The following TOX variants were observed in gnomAD, a reference collection of about 807,000 sequenced individuals.
TOX encodes thymocyte selection-associated high mobility group box protein TOX.
In TOX, 11 loss-of-function variants were observed where a neutral mutation model predicts 53.7. The observed-to-expected ratio is 0.20, with a 90% confidence interval of 0.13 to 0.34. The LOEUF (loss-of-function observed/expected upper bound fraction) is 0.34. Ranked by LOEUF, TOX falls within the 10% of genes least tolerant of loss-of-function variation. TOX has a pLI of 1.00. For missense variants in TOX, 570 were observed against 664.6 expected (o/e 0.86, Z 1.56); for synonymous variants, 225 against 245.3 (o/e 0.92, Z 0.77).
At chr8:58,961,129 C>T (rs921036014) in intron 1 of TOX, among the ~76,000 whole-genome samples, 10 of 152,132 alleles carry the variant, frequency 6.6e-5, no homozygotes, top group Admixed American at 5.2e-4. Flanking sequence ...GTACTATAGA[C>T]ATCTCATTCC....
At chr8:58,997,300 A>C (rs1813578642) in intron 1 of TOX, among the ~76,000 whole-genome samples, 1 of 152,246 alleles carries the variant, frequency 6.6e-6, no homozygotes, top group African/African-American at 2.4e-5. Flanking sequence ...ATTTAGAAAT[A>C]AGCAAGAGGA....
intron 1 of TOX, among the ~76,000 whole-genome samples, chr8:59,023,734 G>C (rs572924810): frequency 1.9e-4 from 29 of 152,160 alleles, no homozygotes; most frequent in Non-Finnish European, 3.8e-4. Flanking sequence ...CCTACAAAAT[G>C]GGAATAGTAA....
rs1399343842 is a variant in TOX, at chr8:58,826,848, C to A, written c.979G>T (p.Ala327Ser). 6 of 1,611,916 alleles carry A rather than the reference C, an allele frequency of 3.7e-6. No individual in the cohort carries two copies. Among genetic ancestry groups the A allele is most frequent in the Non-Finnish European group, 5.1e-6 (6 of 1,179,180 alleles). ...AKKEYLKQLA[A>S]YRASLVSKSY... Reference sequence around the variant, plus strand: ...TTGGATACAAGGCTGGCTCTGTATGCTGCGAGTTGCTTCAGGTACTCCTTC... The same window carrying A: ...TTGGATACAAGGCTGGCTCTGTATGATGCGAGTTGCTTCAGGTACTCCTTC... The change falls in exon 6 of 9, where the codon GCA (alanine) becomes TCA (serine). Residue 327 changes from alanine to serine, a missense_variant. Physicochemically the swap from Ala to Ser is moderately conservative, Grantham distance 99. Transcript: ENST00000361421.
At chr8:59,061,036 T>C (rs771777232) in intron 1 of TOX, among the ~76,000 whole-genome samples, 1 of 152,214 alleles carries the variant, frequency 6.6e-6, no homozygotes, top group Non-Finnish European at 1.5e-5. Context: ...TCCATAAAGC[T>C]GCATCTTTTA....
At chr8:59,038,460 C>A (rs1210590331) in intron 1 of TOX, among the ~76,000 whole-genome samples, 2 of 152,216 alleles carry the variant, frequency 1.3e-5, no homozygotes, top group East Asian at 3.8e-4. Flanking sequence ...GACACATCAA[C>A]ATTTTTCTCA....
Position 58,806,935 on chromosome 8 carries a change from A to G in TOX, c.*812T>C, listed in dbSNP as rs1475018385. 2.0e-5 allele frequency: 3 copies of G among 152,666 alleles called. No homozygotes were observed. Among genetic ancestry groups the G allele is most frequent in the Non-Finnish European group, 4.4e-5 (3 of 68,042 alleles). 9.5% of individuals were successfully genotyped at this position (152,666 alleles called of 1,614,324 possible). On this transcript the variant is annotated 3_prime_UTR_variant, in exon 9 of 9. Transcript: ENST00000361421. ...CTGTTTCCAATCTGTTTCTGCATCT[A>G]ATAAAATACCAGGTAAGCATTTGGC...
Position 59,118,847 on chromosome 8 carries a change from G to T in TOX, c.102+39C>A. ...ACCGCCGCTCCCCTCCCAGGATCAA[G>T]CAGCAAGAACACGGTGGAAACAAAA... On this transcript the variant is annotated intron_variant, in intron 1 of 8. Transcript: ENST00000361421. The surrounding 1 kb of genome is among the most constrained non-coding windows in gnomAD (Gnocchi z 4.1). The T allele has an allele frequency of 6.6e-7, 1 of 1,505,574 alleles. No individual in the cohort carries two copies. Among genetic ancestry groups the T allele is most frequent in the Non-Finnish European group, 9.0e-7 (1 of 1,107,614 alleles). 93.3% of individuals were successfully genotyped at this position (1,505,574 alleles called of 1,614,324 possible).
intron 2 of TOX, among the ~76,000 whole-genome samples, chr8:58,954,013 T>G (rs1812669663): frequency 6.6e-6 from 1 of 152,170 alleles, no homozygotes; most frequent in Admixed American, 6.5e-5. Context: ...AAAACATAAT[T>G]CTAACAGTAG....
intron 1 of TOX, among the ~76,000 whole-genome samples, chr8:59,106,569 T>C (rs1398501582): frequency 6.6e-6 from 1 of 152,168 alleles, no homozygotes; most frequent in East Asian, 1.9e-4. Context: ...CTTTCTCTTT[T>C]TGGAAAAATT....
At chr8:58,822,224 T>G (rs1285930840) in intron 6 of TOX, among the ~76,000 whole-genome samples, 1 of 152,226 alleles carries the variant, frequency 6.6e-6, no homozygotes, top group Non-Finnish European at 1.5e-5. Context: ...GCATGAATAA[T>G]CACCACCCTA....
chr8:58,972,935 G>C (rs546449024), intron 1 of TOX, among the ~76,000 whole-genome samples: 1 of 152,138 alleles, frequency 6.6e-6, no homozygotes, highest in South Asian at 2.1e-4. Context: ...AAATAAACGA[G>C]TCTTGTTTCC....
intron 1 of TOX, among the ~76,000 whole-genome samples, chr8:58,979,223 C>G (rs1472950852): frequency 6.6e-6 from 1 of 152,188 alleles, no homozygotes; most frequent in Non-Finnish European, 1.5e-5. Context: ...CTGTTCCATA[C>G]TCAAACTGAA....
chr8:58,850,961 C>A lies in TOX; in HGVS notation c.693+563G>T, dbSNP rs1035116374. Among the ~76,000 whole-genome samples the A allele has an allele frequency of 6.6e-5, 10 of 152,264 alleles. No homozygotes were observed. The South Asian group carries it at 1.9e-3, about 28-fold the overall frequency. On this transcript the variant is annotated intron_variant, in intron 4 of 8. Transcript: ENST00000361421. ...CTATTCAGATAACTTAAAAGAATGGCTCTGCTGGTGACAGACACACAAATA... is the reference window on the plus strand; with the variant it reads ...CTATTCAGATAACTTAAAAGAATGGATCTGCTGGTGACAGACACACAAATA...
At chr8:58,972,207 C>A (rs1326367019) in intron 1 of TOX, among the ~76,000 whole-genome samples, 1 of 152,036 alleles carries the variant, frequency 6.6e-6, no homozygotes, top group African/African-American at 2.4e-5. Flanking sequence ...TGTATGTGCA[C>A]AAAATATTTT....
chr8:58,884,289 T>C (rs532028440), intron 3 of TOX, among the ~76,000 whole-genome samples: 1 of 152,274 alleles, frequency 6.6e-6, no homozygotes, highest in Admixed American at 6.5e-5. Flanking sequence ...TTATTTTACA[T>C]ATGCATTGAT....
intron 1 of TOX, among the ~76,000 whole-genome samples, chr8:59,105,251 C>T (rs914021414): frequency 6.6e-6 from 1 of 152,162 alleles, no homozygotes; most frequent in African/African-American, 2.4e-5. Context: ...TTAAGTGAGG[C>T]AACCGAAATA....
chr8:58,892,251 A>G (rs1811571448), intron 3 of TOX, among the ~76,000 whole-genome samples: 1 of 152,188 alleles, frequency 6.6e-6, no homozygotes, highest in South Asian at 2.1e-4. Flanking sequence ...ACAATGATGG[A>G]TTCCATTCCA....
chr8:58,852,003 CA>C (rs1004869287), intron 3 of TOX, among the ~76,000 whole-genome samples, 198 bp from the exon 4 acceptor site: 6 of 151,716 alleles, frequency 4.0e-5, no homozygotes, highest in African/African-American at 1.5e-4. Flanking sequence ...ATAAGACTAC[CA>C]AAAGACTGGA....
chr8:58,943,087 T>A (rs779573585), intron 2 of TOX, among the ~76,000 whole-genome samples: 4 of 152,170 alleles, frequency 2.6e-5, no homozygotes, highest in Admixed American at 2.6e-4. Context: ...GTGACCAATA[T>A]AATTCCTCTC....
Sources: gnomAD v4.1 joint callset for allele counts (sites outside exome capture counted in the v4.1 genomes callset) on GRCh38, gnomAD v4.1.1 for gene constraint, Gnocchi (gnomAD v3.1) non-coding constraint, MANE v1.5 for transcripts, NCBI Gene and HGNC (gene_info 2026-07-23, HGNC 2026-07-21) for gene names.